Variants in EWSR1 observed in about 807,000 individuals in gnomAD.
EWSR1 encodes EWS RNA binding protein 1, also known as RNA-binding protein EWS.
Under a neutral mutation model 92.1 loss-of-function variants are expected in EWSR1, and 14 were observed. The ratio of observed to expected loss-of-function variants is 0.15; its 90% confidence interval spans 0.10 to 0.24. The LOEUF is 0.24. Ranked by LOEUF, EWSR1 falls within the 10% of genes least tolerant of loss-of-function variation. EWSR1 has a pLI of 1.00. For synonymous variants in EWSR1, 303 were observed against 292.9 expected (o/e 1.03, Z -0.35); for missense variants, 637 against 870.9 (o/e 0.73, Z 3.38).
chr22:29,291,903 A>G (rs1002296955), intron 9 of EWSR1: 9 of 578,598 alleles, frequency 1.6e-5, no homozygotes, highest in African/African-American at 3.7e-5. Context: ...ATAAGCATTG[A>G]GAGTGTATTT....
intron 13 of EWSR1, 151 bp downstream of exon 13, chr22:29,298,100 T>A: frequency 5.1e-6 from 5 of 976,466 alleles, no homozygotes; most frequent in Non-Finnish European, 7.3e-6. Context: ...TTGTTGGGAA[T>A]AAAAGGAAGA....
intron 13 of EWSR1, 147 bp downstream of exon 13, chr22:29,298,096 G>A: frequency 1.0e-6 from 1 of 983,650 alleles, no homozygotes; most frequent in Non-Finnish European, 1.5e-6. Context: ...ATGTTTGTTG[G>A]GAATAAAAGG....
At chr22:29,284,905 C>T (rs1402509455) in intron 6 of EWSR1, among the ~76,000 whole-genome samples, 1 of 151,148 alleles carries the variant, frequency 6.6e-6, no homozygotes, top group Non-Finnish European at 1.5e-5. Flanking sequence ...CCGCAACCCT[C>T]GCCTCCCAGG....
At chr22:29,272,155 T>C in intron 1 of EWSR1, 61 bp from the exon 2 acceptor site, 1 of 1,508,166 alleles carries the variant, frequency 6.6e-7, no homozygotes. Context: ...CTTTCCCCCT[T>C]TTTTCTCTTC....
intron 11 of EWSR1, among the ~76,000 whole-genome samples, chr22:29,294,828 A>G (rs1301470486): frequency 6.8e-6 from 1 of 147,358 alleles, no homozygotes; most frequent in Non-Finnish European, 1.5e-5. Flanking sequence ...CAGGAGAATC[A>G]GTTGATCCCA....
Position 29,282,374 on chromosome 22 carries a change from T to C in EWSR1, c.414-16T>C, listed in dbSNP as rs2059677137. 6.5e-7 allele frequency: 1 copy of C among 1,528,790 alleles called. No individual in the cohort carries two copies. Among genetic ancestry groups the C allele is most frequent in the African/African-American group, 1.4e-5 (1 of 70,940 alleles). The allele number at this position is 1,528,790 out of a possible 1,614,324, so 94.7% of individuals were successfully genotyped here. A position where few individuals can be genotyped will look rare whatever the true frequency, so the allele number is the denominator to read the frequency against. On this transcript the variant is annotated splice_polypyrimidine_tract_variant and intron_variant, in intron 5 of 16. Transcript: ENST00000397938. ...AAAAGTCACTTTTTAATTTTATTTA[T>C]TATTTCTCCTCTTAGACCGCAGGAT...
At position 29,281,573 on chromosome 22, in the gene EWSR1, G is replaced by A. The variant is rs143658389; in HGVS notation, c.414-817G>A. Among the ~76,000 whole-genome samples the A allele has an allele frequency of 9.1e-3, 1,389 of 152,192 alleles. 20 individuals are homozygous for A. Among genetic ancestry groups the A allele is most frequent in the African/African-American group, 0.032 (1,318 of 41,510 alleles). On this transcript the variant is annotated intron_variant, in intron 5 of 16. Coordinates refer to ENST00000397938, the MANE Select transcript of EWSR1 (RefSeq NM_005243.4). ...TCCTGCCTCAGCCTCCCAAAGTGCT[G>A]GGATTTTTTTTGTTTGTTTGTTTTT...
rs998683844 is a variant in EWSR1 at position 29,300,482 on chromosome 22, T to G, written c.*321T>G. 9 of 249,614 alleles carry G rather than the reference T, an allele frequency of 3.6e-5. No homozygotes were observed. Among genetic ancestry groups the G allele is most frequent in the Non-Finnish European group, 6.9e-5 (9 of 131,098 alleles). 15.5% of individuals were successfully genotyped at this position (249,614 alleles called of 1,614,324 possible). On this transcript the variant is annotated 3_prime_UTR_variant, in exon 17 of 17. Transcript: ENST00000397938. ...AACAATGTTCATGGTTGTGATGTTT[T>G]TTTTTTTTTTTTAAATAAAATTCCA...
At chr22:29,294,775 G>A (rs2060719586) in intron 11 of EWSR1, among the ~76,000 whole-genome samples, 1 of 151,612 alleles carries the variant, frequency 6.6e-6, no homozygotes. Flanking sequence ...TTAGCCGGGT[G>A]TGGTGACACG....
At chr22:29,278,270 A>T in intron 5 of EWSR1, 54 bp downstream of exon 5, 1 of 1,530,290 alleles carries the variant, frequency 6.5e-7, no homozygotes, top group Admixed American at 1.9e-5. Context: ...GAAAGAAAGC[A>T]ACTGTGTACA....
chr22:29,286,892 C>CTTTTTTTTTTTTT (rs754136243), intron 6 of EWSR1, 31 bp from the exon 7 acceptor site: 5 of 1,210,408 alleles, frequency 4.1e-6, no homozygotes, highest in Non-Finnish European at 3.5e-6. Context: ...TCTAAAAAAG[C>CTTTTTTTTTTTTT]TTTTTTTTTT....
intron 13 of EWSR1, among the ~76,000 whole-genome samples, chr22:29,298,265 G>A (rs1333783876): frequency 6.6e-6 from 1 of 152,144 alleles, no homozygotes; most frequent in African/African-American, 2.4e-5. Context: ...CAGCACTTTG[G>A]GAGGCTGAGG....
Position 29,293,069 on chromosome 22 carries a change from A to C in EWSR1, c.1164+463A>C, listed in dbSNP as rs115030836. Reference sequence around the variant, plus strand: ...GCCCGGCCTTCCCTCCTCCACCCCTAGGGACAGAGTGTTGCTCAATCTCAG... The same window carrying C: ...GCCCGGCCTTCCCTCCTCCACCCCTCGGGACAGAGTGTTGCTCAATCTCAG... On this transcript the variant is annotated intron_variant, in intron 11 of 16. Coordinates refer to ENST00000397938, the MANE Select transcript of EWSR1 (RefSeq NM_005243.4). Among the ~76,000 whole-genome samples, 559 of 152,092 alleles carry C rather than the reference A, an allele frequency of 3.7e-3. 6 individuals are homozygous for C. The highest frequency in any genetic ancestry group is 0.013 in the African/African-American group (532 of 41,486).
At chr22:29,280,889 T>G (rs1339361721) in intron 5 of EWSR1, among the ~76,000 whole-genome samples, 40 of 130,436 alleles carry the variant, frequency 3.1e-4, no homozygotes, top group Non-Finnish European at 3.8e-4. Context: ...TTTTTTTTTT[T>G]TTTTTTTTTT....
intron 5 of EWSR1, among the ~76,000 whole-genome samples, chr22:29,281,644 G>A (rs746791006): frequency 1.3e-5 from 2 of 151,774 alleles, no homozygotes; most frequent in Non-Finnish European, 2.9e-5. Context: ...GCAGTGGCGC[G>A]ATCTCGGCTC....
chr22:29,268,680 C>G (rs892468825), intron 1 of EWSR1, among the ~76,000 whole-genome samples: 1 of 152,170 alleles, frequency 6.6e-6, no homozygotes, highest in African/African-American at 2.4e-5. Flanking sequence ...GCCTTCGAGG[C>G]CCTGCGTGAA....
intron 2 of EWSR1, 25 bp from the exon 3 acceptor site, chr22:29,272,355 G>A (rs1231917527): frequency 6.2e-7 from 1 of 1,613,442 alleles, no homozygotes. Flanking sequence ...CTCTATTCAA[G>A]TTATTGCATT....
Position 29,290,568 on chromosome 22 carries a change from A to G in EWSR1, c.975-994A>G, listed in dbSNP as rs1396978733. On this transcript the variant is annotated intron_variant, in intron 8 of 16. Transcript: ENST00000397938. ...ATTTTTAACAAAATGTATTCATTGTATAAATGGAATCCTTCTGTAACTTTG... is the reference window on the plus strand; with the variant it reads ...ATTTTTAACAAAATGTATTCATTGTGTAAATGGAATCCTTCTGTAACTTTG... The G allele has an allele frequency of 5.8e-6, 9 of 1,540,496 alleles. No homozygotes were observed. The East Asian group carries it at 7.4e-5, about 13-fold the overall frequency.
At chr22:29,294,979 G>C (rs1219686807) in intron 11 of EWSR1, among the ~76,000 whole-genome samples, 2 of 151,800 alleles carry the variant, frequency 1.3e-5, no homozygotes, top group African/African-American at 4.8e-5. Flanking sequence ...CTGCTTGTAG[G>C]TGTGTGTGTG....
Sources: allele counts gnomAD v4.1 joint callset (sites outside exome capture counted in the v4.1 genomes callset), GRCh38; gene constraint gnomAD v4.1.1; transcripts MANE v1.5; gene names NCBI Gene and HGNC (gene_info 2026-07-23, HGNC 2026-07-21).